The following SCN10A variants were observed in gnomAD, a reference collection of about 807,000 sequenced individuals.
SCN10A encodes the protein sodium channel protein type 10 subunit alpha.
A neutral mutation model predicts 170.7 loss-of-function variants in SCN10A; 162 were observed. The observed-to-expected ratio is 0.95, with a 90% CI of 0.84 to 1.08. The LOEUF (loss-of-function observed/expected upper bound fraction) is 1.08, where lower values mean the gene tolerates loss of function less well. SCN10A is among the 50% of genes least tolerant of loss of function. SCN10A has a pLI of 0.00. For missense variants in SCN10A, 2,527 were observed against 2,436.9 expected, an observed-to-expected ratio of 1.04 and a Z score of -0.78; for synonymous variants, 985 against 904.6, an observed-to-expected ratio of 1.09 and a Z score of -1.59.
intron 6 of SCN10A, among the ~76,000 whole-genome samples, chr3:38,762,122 G>T (rs2063881486): frequency 6.6e-6 from 1 of 152,204 alleles, no homozygotes; most frequent in African/African-American, 2.4e-5. Context: ...TGGGAGAGCA[G>T]CTTCGCAGGT....
chr3:38,728,074 C>G (rs1335206530), intron 16 of SCN10A, among the ~76,000 whole-genome samples: 1 of 152,140 alleles, frequency 6.6e-6, no homozygotes, highest in East Asian at 1.9e-4. Context: ...GTTTTCTGAG[C>G]CCCCTCAGAT....
At chr3:38,802,852 G>A (rs574753238) in intron 1 of SCN10A, among the ~76,000 whole-genome samples, 3 of 152,242 alleles carry the variant, frequency 2.0e-5, no homozygotes, top group Admixed American at 1.3e-4. Flanking sequence ...TACCATCAGA[G>A]TGAACAGGCA....
At chr3:38,699,073 G>A (rs779349603) in intron 27 of SCN10A, among the ~76,000 whole-genome samples, 4 of 152,096 alleles carry the variant, frequency 2.6e-5, no homozygotes, top group Non-Finnish European at 5.9e-5. Flanking sequence ...TCTGGCACCC[G>A]GTCCTGTGGC....
intron 4 of SCN10A, among the ~76,000 whole-genome samples, chr3:38,775,375 C>A (rs1293204731): frequency 6.6e-6 from 1 of 152,152 alleles, no homozygotes; most frequent in Non-Finnish European, 1.5e-5. Flanking sequence ...TAGCACAATG[C>A]TTTGTCAATG....
intron 15 of SCN10A, among the ~76,000 whole-genome samples, chr3:38,734,525 A>C (rs2063540713): frequency 6.6e-6 from 1 of 152,254 alleles, no homozygotes; most frequent in African/African-American, 2.4e-5. Flanking sequence ...TGGGAATGTA[A>C]AGTTGATTTA....
intron 26 of SCN10A, 22 bp downstream of exon 26, chr3:38,707,257 A>T: frequency 6.2e-7 from 1 of 1,611,656 alleles, no homozygotes; most frequent in Non-Finnish European, 8.5e-7. Flanking sequence ...AGGCTGTGCT[A>T]GAGGAAACCT....
intron 1 of SCN10A, among the ~76,000 whole-genome samples, chr3:38,798,574 C>T (rs1236029494): frequency 6.6e-6 from 1 of 152,250 alleles, no homozygotes; most frequent in South Asian, 2.1e-4. Flanking sequence ...ATACTCACTT[C>T]TTGGATTAAT....
intron 4 of SCN10A, among the ~76,000 whole-genome samples, chr3:38,786,376 G>A (rs2064202083): frequency 6.6e-6 from 1 of 151,988 alleles, no homozygotes; most frequent in Non-Finnish European, 1.5e-5. Context: ...ACTGACATAA[G>A]AACAGAAAAC....
intron 1 of SCN10A, among the ~76,000 whole-genome samples, chr3:38,807,383 A>G (rs960006218): frequency 1.3e-5 from 2 of 152,176 alleles, no homozygotes; most frequent in Non-Finnish European, 2.9e-5. Context: ...TGCACTTCAA[A>G]GCACTGTAAT....
chr3:38,815,649 T>C (rs2064471501), intron 1 of SCN10A, among the ~76,000 whole-genome samples: 1 of 152,252 alleles, frequency 6.6e-6, no homozygotes, highest in South Asian at 2.1e-4. Context: ...TCGTCAATAC[T>C]ACCAGGACAT....
intron 10 of SCN10A, among the ~76,000 whole-genome samples, chr3:38,756,203 G>A (rs542875735): frequency 2.0e-5 from 3 of 152,268 alleles, no homozygotes; most frequent in South Asian, 4.2e-4. Context: ...CAGCTATCCC[G>A]AGCTGCTTGC....
At chr3:38,800,381 G>T (rs535214812) in intron 1 of SCN10A, among the ~76,000 whole-genome samples, 2 of 152,174 alleles carry the variant, frequency 1.3e-5, no homozygotes, top group Non-Finnish European at 2.9e-5. Context: ...GGCCCAGGGG[G>T]CCCCATTTTT....
At chr3:38,786,813 A>C (rs186099028) in intron 4 of SCN10A, among the ~76,000 whole-genome samples, 1 of 151,970 alleles carries the variant, frequency 6.6e-6, no homozygotes. Context: ...CCACCTTTTC[A>C]CACATTAGAT....
At chr3:38,785,992 G>A (rs56051560) in intron 4 of SCN10A, among the ~76,000 whole-genome samples, 31,163 of 152,072 alleles carry the variant, frequency 0.2, 3,782 homozygotes, top group Admixed American at 0.3. Context: ...ATGCTGGAGA[G>A]GATGTGGAGA....
At position 38,807,354 on chromosome 3, in the gene SCN10A, AT is replaced by A. The variant is rs2064410769; in HGVS notation, c.-33+8682del. 2.0e-5 allele frequency among the ~76,000 whole-genome samples: 3 copies of A among 152,328 alleles called. No individual in the cohort carries two copies. In the South Asian group the frequency reaches 6.2e-4, roughly 32 times the overall value. ...ATGTCACAAAGGTCATACATGAAAA[AT>A]ACATCAATGCATGTTTTTGCACTTC... On this transcript the variant is annotated intron_variant, in intron 1 of 27. Transcript: ENST00000449082.
intron 1 of SCN10A, among the ~76,000 whole-genome samples, chr3:38,797,166 T>C (rs976655112): frequency 6.6e-6 from 1 of 151,972 alleles, no homozygotes; most frequent in Non-Finnish European, 1.5e-5. Context: ...AATACCCCTA[T>C]GATGGAGATC....
chr3:38,731,911 G>C (rs763721335), intron 15 of SCN10A, among the ~76,000 whole-genome samples: 2 of 152,180 alleles, frequency 1.3e-5, no homozygotes, highest in Non-Finnish European at 2.9e-5. Context: ...ATCTGAGCTT[G>C]ACCTCCTGTC....
intron 8 of SCN10A, among the ~76,000 whole-genome samples, chr3:38,760,459 C>T (rs1222731946): frequency 6.6e-6 from 1 of 152,234 alleles, no homozygotes; most frequent in African/African-American, 2.4e-5. Context: ...GAATTAAATA[C>T]ATTGTTGTTT....
intron 12 of SCN10A, among the ~76,000 whole-genome samples, chr3:38,750,876 C>G (rs1259777957): frequency 1.3e-5 from 2 of 152,180 alleles, no homozygotes; most frequent in Non-Finnish European, 2.9e-5. Flanking sequence ...GGCATAAATG[C>G]CTTCAGTGAG....
Sources: gnomAD v4.1 joint callset for allele counts (sites outside exome capture counted in the v4.1 genomes callset) on GRCh38, gnomAD v4.1.1 for gene constraint, MANE v1.5 for transcripts, NCBI Gene and HGNC (gene_info 2026-07-23, HGNC 2026-07-21) for gene names.